GREB1L: variants seen among roughly 807,000 people sequenced by gnomAD.
The protein encoded by GREB1L is GREB1-like protein.
Under a neutral mutation model 200.8 loss-of-function variants are expected in GREB1L, and 17 were observed. The ratio of observed to expected loss-of-function variants is 0.08; its 90% CI spans 0.06 to 0.13. The LOEUF (loss-of-function observed/expected upper bound fraction) is 0.13. Ranked by LOEUF, GREB1L falls within the 10% of genes least tolerant of loss-of-function variation. The probability of loss-of-function intolerance (pLI) is 1.00; values close to 1 mark genes in which losing one functional copy is unlikely to be tolerated. For synonymous variants in GREB1L, 789 were observed against 893.0 expected (o/e 0.88, Z 2.08); for missense variants, 1,657 against 2,367.7 (o/e 0.70, Z 6.23).
intron 5 of GREB1L, among the ~76,000 whole-genome samples, chr18:21,397,915 G>T (rs753498521): frequency 3.9e-5 from 6 of 152,206 alleles, no homozygotes; most frequent in Admixed American, 2.0e-4. Context: ...ACTCAGTCCT[G>T]TTCCTCACAG....
chr18:21,384,587 A>G (rs1244254918), intron 4 of GREB1L, among the ~76,000 whole-genome samples, 184 bp downstream of exon 4: 2 of 152,230 alleles, frequency 1.3e-5, no homozygotes, highest in South Asian at 2.1e-4. Flanking sequence ...TGTAAGAAAG[A>G]CAAGTATTAT....
At position 21,439,669 on chromosome 18, in the gene GREB1L, T is replaced by A. The variant is rs1568012430; in HGVS notation, c.949+32T>A. 6 of 1,320,498 alleles carry A rather than the reference T, an allele frequency of 4.5e-6. No homozygotes were observed. The East Asian group carries it at 1.5e-4, about 33-fold the overall frequency. The allele number at this position is 1,320,498 out of a possible 1,614,324, so 81.8% of individuals were successfully genotyped here. On this transcript the variant is annotated intron_variant, in intron 8 of 32. Transcript: ENST00000424526. The stretch of plus-strand genomic sequence containing the variant: ...TGCCTGTCGTAGAGTTTTGTAATAA[T>A]GCACTTACCAGTGGTTACAAGTGCT...
At chr18:21,366,176 G>C (rs1280087887) in intron 2 of GREB1L, 40 bp downstream of exon 2, 2 of 151,966 alleles carry the variant, frequency 1.3e-5, no homozygotes, top group Admixed American at 6.6e-5. Flanking sequence ...AATTTTTCAA[G>C]ATCAAATTTG....
chr18:21,521,245 C>G (rs1237148028), intron 32 of GREB1L, among the ~76,000 whole-genome samples: 1 of 151,862 alleles, frequency 6.6e-6, no homozygotes, highest in African/African-American at 2.4e-5. Context: ...CGTGGTGGCT[C>G]CTGTAATCCC....
intron 24 of GREB1L, 98 bp from the exon 25 acceptor site, chr18:21,505,712 A>G (rs2036984850): frequency 1.4e-6 from 2 of 1,415,860 alleles, no homozygotes; most frequent in Admixed American, 4.8e-5. Flanking sequence ...ATTACAGAAT[A>G]CATGGAAAAG....
chr18:21,498,654 T>C (rs767423122), intron 21 of GREB1L, among the ~76,000 whole-genome samples: 1 of 152,136 alleles, frequency 6.6e-6, no homozygotes, highest in Non-Finnish European at 1.5e-5. Flanking sequence ...TGGTTTGCCC[T>C]TGGCTACTGT....
intron 1 of GREB1L, among the ~76,000 whole-genome samples, chr18:21,271,823 T>G (rs770150060): frequency 6.6e-6 from 1 of 152,066 alleles, no homozygotes; most frequent in Non-Finnish European, 1.5e-5. Context: ...CGGTGGACTT[T>G]CCATTAGGTT....
At chr18:21,487,105 A>C (rs1015960365) in intron 18 of GREB1L, among the ~76,000 whole-genome samples, 14 of 152,172 alleles carry the variant, frequency 9.2e-5, no homozygotes, top group African/African-American at 3.4e-4. Flanking sequence ...ATGTAGTCTT[A>C]ATTTTCCAAA....
At chr18:21,426,810 T>A (rs189135914) in intron 7 of GREB1L, among the ~76,000 whole-genome samples, 230 of 151,768 alleles carry the variant, frequency 1.5e-3, no homozygotes, top group African/African-American at 5.5e-3. Context: ...TACAAAAAAA[T>A]TAGCTGGGCA....
chr18:21,476,352 G>A (rs1209115440), intron 16 of GREB1L, among the ~76,000 whole-genome samples: 1 of 152,030 alleles, frequency 6.6e-6, no homozygotes, highest in African/African-American at 2.4e-5. Flanking sequence ...GTATAAATAA[G>A]ATCTTGTAGA....
chr18:21,253,375 T>C (rs528458994), intron 1 of GREB1L, among the ~76,000 whole-genome samples: 1 of 151,418 alleles, frequency 6.6e-6, no homozygotes, highest in East Asian at 2.0e-4. Context: ...CCCAGCCTCC[T>C]TAGTAGCTGG....
intron 4 of GREB1L, among the ~76,000 whole-genome samples, chr18:21,389,879 C>A (rs1196960227): frequency 6.6e-6 from 1 of 152,106 alleles, no homozygotes; most frequent in Admixed American, 6.6e-5. Context: ...GCTCAGAAAT[C>A]AATCTGAAAA....
chr18:21,392,503 TTC>T (rs2040866928), intron 4 of GREB1L, among the ~76,000 whole-genome samples: 1 of 152,176 alleles, frequency 6.6e-6, no homozygotes, highest in South Asian at 2.1e-4. Context: ...TGCTAAAGAA[TTC>T]ATAAGTTTTT....
Position 21,378,882 on chromosome 18 carries a change from C to T in GREB1L, c.-9-4628C>T, listed in dbSNP as rs199946624. On this transcript the variant is annotated intron_variant, in intron 2 of 32. Transcript: ENST00000424526. ...TAAATTAATTTAGTGTTTTTTTTTT[C>T]GGGGGGGGACAGGATCTTGCTCTGT... Among the ~76,000 whole-genome samples the T allele has an allele frequency of 1.2e-4, 17 of 145,540 alleles. No individual in the cohort carries two copies. The South Asian group carries it at 2.4e-3, about 21-fold the overall frequency.
chr18:21,381,300 C>T (rs1598726738), intron 2 of GREB1L, among the ~76,000 whole-genome samples: 1 of 151,174 alleles, frequency 6.6e-6, no homozygotes, highest in African/African-American at 2.4e-5. Flanking sequence ...CCCAGCTACT[C>T]GGGAGGCTGA....
At position 21,524,094 on chromosome 18, in the gene GREB1L, C is replaced by A. The variant is rs139902685; in HGVS notation, c.*1273C>A. 3 of 152,336 alleles carry A rather than the reference C, an allele frequency of 2.0e-5. No homozygotes were observed. The East Asian group carries it at 5.8e-4, about 29-fold the overall frequency. The allele number at this position is 152,336 out of a possible 1,614,324, so 9.4% of individuals were successfully genotyped here. A position where few individuals can be genotyped will look rare whatever the true frequency, so the allele number is the denominator to read the frequency against. ...ACTCCAGTTCTCATCATTGAACAAT[C>A]TCTTGAGAGTTTTCTCATTAGCCCA... On this transcript the variant is annotated 3_prime_UTR_variant, in exon 33 of 33. Coordinates refer to ENST00000424526, the MANE Select transcript of GREB1L (RefSeq NM_001142966.3).
intron 1 of GREB1L, among the ~76,000 whole-genome samples, chr18:21,250,425 A>T (rs2037684095): frequency 6.6e-6 from 1 of 152,188 alleles, no homozygotes; most frequent in Non-Finnish European, 1.5e-5. Flanking sequence ...ATGAATGTGC[A>T]TTTAAAAAAA....
At chr18:21,396,512 T>C (rs1168616514) in intron 5 of GREB1L, among the ~76,000 whole-genome samples, 1 of 152,228 alleles carries the variant, frequency 6.6e-6, no homozygotes, top group African/African-American at 2.4e-5. Context: ...GGACCTGATA[T>C]CAAGTCAACT....
chr18:21,469,386 C>A (rs538686208), intron 15 of GREB1L, among the ~76,000 whole-genome samples: 1 of 152,170 alleles, frequency 6.6e-6, no homozygotes, highest in Non-Finnish European at 1.5e-5. Context: ...ATTGGAGGCG[C>A]CTTCAGGCAG....
Sources: allele counts gnomAD v4.1 joint callset (sites outside exome capture counted in the v4.1 genomes callset), GRCh38; gene constraint gnomAD v4.1.1; transcripts MANE v1.5; gene names NCBI Gene and HGNC (gene_info 2026-07-23, HGNC 2026-07-21).